The following KCNG1 variants were observed in gnomAD, a reference collection of about 807,000 sequenced individuals.
KCNG1 encodes the protein voltage-gated potassium channel regulatory subunit KCNG1.
KCNG1 carries 17 observed loss-of-function variants against 32.4 expected under a neutral mutation model. The ratio of observed to expected loss-of-function variants is 0.52; its 90% CI spans 0.36 to 0.79. The LOEUF (loss-of-function observed/expected upper bound fraction) is 0.79, where lower values mean the gene tolerates loss of function less well. Among genes scored for constraint, KCNG1 ranks in the 30% least tolerant of loss-of-function variants. The probability of loss-of-function intolerance (pLI) is 0.00; values close to 1 mark genes in which losing one functional copy is unlikely to be tolerated. For missense variants in KCNG1, 441 were observed against 735.2 expected, an observed-to-expected ratio of 0.60 and a Z score of 4.63; for synonymous variants, 358 against 339.9, an observed-to-expected ratio of 1.05 and a Z score of -0.59.
intron 1 of KCNG1, among the ~76,000 whole-genome samples, chr20:51,017,211 G>A (rs953874676): frequency 2.0e-5 from 3 of 152,166 alleles, no homozygotes; most frequent in African/African-American, 7.2e-5. Context: ...GGCAGATTAT[G>A]GAAGCCTGCA....
chr20:51,009,789 C>T lies in KCNG1; in HGVS notation c.550G>A (p.Glu184Lys), dbSNP rs1316395629. The T allele has an allele frequency of 6.2e-6, 10 of 1,612,076 alleles. No homozygotes were observed. The highest frequency in any genetic ancestry group is 1.3e-5 in the African/African-American group (1 of 74,940). ...TCGCTGTCCAGCGCGTCGTCCTCTT[C>T]CTCCCGCTCCACCATCTCCGCGAAC... ...EEFAEMVERE[E>K]EDDALDSEGR... Residue 184 changes from glutamate (E) to lysine (K), a missense_variant, in exon 2 of 3, where the codon GAA becomes AAA. By Grantham distance (56) the Glu-to-Lys change is moderately conservative. This residue lies in a region of KCNG1 where 52 missense variants were observed against 50.3 expected (regional missense o/e 1.03). Coordinates refer to ENST00000371571, the MANE Select transcript of KCNG1 (RefSeq NM_002237.4).
Position 51,005,848 on chromosome 20 carries a change from T to A in KCNG1, c.775-1042A>T, listed in dbSNP as rs533002119. 3.3e-5 allele frequency: 5 copies of A among 152,326 alleles called. No individual in the cohort carries two copies. The East Asian group carries it at 9.6e-4, about 29-fold the overall frequency. The allele number at this position is 152,326 out of a possible 1,614,324, so 9.4% of individuals were successfully genotyped here. On this transcript the variant is annotated intron_variant, in intron 2 of 2. Transcript: ENST00000371571. This position sits in a 1 kb window ranked among gnomAD's most constrained non-coding sequence, Gnocchi z 4.0. ...CTGGGGCACAGCTGAGTTCTACAAGTCCCACTTGAACAATTCTGTCTCTAG... is the reference window on the plus strand; with the variant it reads ...CTGGGGCACAGCTGAGTTCTACAAGACCCACTTGAACAATTCTGTCTCTAG...
intron 1 of KCNG1, among the ~76,000 whole-genome samples, chr20:51,021,209 T>C (rs1325884164): frequency 6.6e-6 from 1 of 152,242 alleles, no homozygotes; most frequent in Non-Finnish European, 1.5e-5. Context: ...ACAGACATCT[T>C]TCCCGTGGAA....
At chr20:51,019,072 T>G (rs1988378280) in intron 1 of KCNG1, among the ~76,000 whole-genome samples, 1 of 152,206 alleles carries the variant, frequency 6.6e-6, no homozygotes. Flanking sequence ...CCCCTAGTTT[T>G]GCCAAACTCA....
At position 51,015,610 on chromosome 20, in the gene KCNG1, C is replaced by A. The variant is rs925858040; in HGVS notation, c.-26-5246G>T. ...GGTAGCCACTGAAGCTGCATCACATCAGGCCAGAGTGGTCAGGGCAGGGCA... is the reference window on the plus strand; with the variant it reads ...GGTAGCCACTGAAGCTGCATCACATAAGGCCAGAGTGGTCAGGGCAGGGCA... On this transcript the variant is annotated intron_variant, in intron 1 of 2. Transcript: ENST00000371571. This position sits in a 1 kb window ranked among gnomAD's most constrained non-coding sequence, Gnocchi z 4.4. 2.0e-5 allele frequency among the ~76,000 whole-genome samples: 3 copies of A among 152,198 alleles called. No homozygotes were observed. Among genetic ancestry groups the A allele is most frequent in the Non-Finnish European group, 4.4e-5 (3 of 68,024 alleles).
chr20:51,012,818 G>T (rs1300094144), intron 1 of KCNG1, among the ~76,000 whole-genome samples: 2 of 152,160 alleles, frequency 1.3e-5, no homozygotes, highest in Non-Finnish European at 2.9e-5. Context: ...GGCAGCACAT[G>T]CTCCAATCCA....
Position 51,010,167 on chromosome 20 carries a change from GCTGACAGCC to G in KCNG1, c.163_171del (p.Gly55_Gln57del), listed in dbSNP as rs1988016479. On this transcript the variant is annotated inframe_deletion, in exon 2 of 3. Coordinates refer to ENST00000371571, the MANE Select transcript of KCNG1 (RefSeq NM_002237.4). ...ATGATCCGACGGCGGCGGTCCTCGG[GCTGACAGCC>G]CTGGCGGGGCTCATCCTGCGGCCGC... 6.2e-7 allele frequency: 1 copy of G among 1,608,428 alleles called. No homozygotes were observed. The highest frequency in any genetic ancestry group is 1.7e-5 in the Admixed American group (1 of 59,930).
At chr20:51,007,493 G>T (rs1052916269) in intron 2 of KCNG1, among the ~76,000 whole-genome samples, 2 of 151,672 alleles carry the variant, frequency 1.3e-5, no homozygotes, top group East Asian at 1.9e-4. Flanking sequence ...GCCTAAAATT[G>T]TTTTTTTTAA....
chr20:51,003,983 G>T lies in KCNG1; in HGVS notation c.*56C>A. 6.4e-7 allele frequency: 1 copy of T among 1,574,118 alleles called. No individual in the cohort carries two copies. On this transcript the variant is annotated 3_prime_UTR_variant, in exon 3 of 3. Coordinates refer to ENST00000371571, the MANE Select transcript of KCNG1 (RefSeq NM_002237.4). ...CTGTCCCTCTCCAGGCGTCTGCAGT[G>T]GATGGCAATGGCTTCGGGCCACAGA...
At chr20:51,021,556 C>A (rs1465678593) in intron 1 of KCNG1, among the ~76,000 whole-genome samples, 1 of 152,156 alleles carries the variant, frequency 6.6e-6, no homozygotes, top group East Asian at 1.9e-4. Flanking sequence ...TGCTCAGATT[C>A]ATAGGGCAGG....
chr20:51,012,004 G>A (rs1988112599), intron 1 of KCNG1, among the ~76,000 whole-genome samples: 1 of 152,194 alleles, frequency 6.6e-6, no homozygotes. Flanking sequence ...TGTTGGCCAG[G>A]CTGGTCTTGA....
chr20:51,016,887 G>A (rs774136761), intron 1 of KCNG1, among the ~76,000 whole-genome samples: 15 of 152,184 alleles, frequency 9.9e-5, no homozygotes, highest in Non-Finnish European at 2.1e-4. Context: ...ATTGCTAGAG[G>A]GTATGCGGGC....
chr20:51,019,814 C>G (rs1281457231), intron 1 of KCNG1, among the ~76,000 whole-genome samples: 1 of 152,128 alleles, frequency 6.6e-6, no homozygotes, highest in East Asian at 1.9e-4. Context: ...GGCTTCTGGC[C>G]GAGCCGACTC....
At chr20:51,007,493 G>GT (rs767851603) in intron 2 of KCNG1, among the ~76,000 whole-genome samples, 80 of 151,786 alleles carry the variant, frequency 5.3e-4, no homozygotes, top group Admixed American at 9.2e-4. Context: ...GCCTAAAATT[G>GT]TTTTTTTTAA....
rs779600308 is a variant in KCNG1, at chr20:51,015,319, TGGTG to T, written c.-26-4959_-26-4956del. Among the ~76,000 whole-genome samples the T allele has an allele frequency of 6.6e-6, 1 of 152,076 alleles. No individual in the cohort carries two copies. The highest frequency in any genetic ancestry group is 1.5e-5 in the Non-Finnish European group (1 of 67,996). On this transcript the variant is annotated intron_variant, in intron 1 of 2. Coordinates refer to ENST00000371571, the MANE Select transcript of KCNG1 (RefSeq NM_002237.4). The surrounding 1 kb of genome is among the most constrained non-coding windows in gnomAD (Gnocchi z 4.4). ...CCGAGGCGACGGATAGGTGGCGCTA[TGGTG>T]AGCTGAGTCAGAGGAAGCTGTTCCT...
In KCNG1 at chr20:51,004,592, G is replaced by T; in HGVS notation, c.989C>A (p.Ala330Glu). Reference protein sequence around the residue: ...GAAAGRRKPGAGNSYLDKVGL... With the variant: ...GAAAGRRKPGEGNSYLDKVGL... ...CACCTTGTCCAGGTAGCTGTTGCCCGCGCCGGGCTTGCGACGGCCTGCGGC... is the reference window on the plus strand; with the variant it reads ...CACCTTGTCCAGGTAGCTGTTGCCCTCGCCGGGCTTGCGACGGCCTGCGGC... The change falls in exon 3 of 3, where the codon GCG becomes GAG. Residue 330 changes from alanine (A) to glutamate (E), a missense_variant. This residue lies in a region of KCNG1 where 169 missense variants were observed against 297.7 expected (regional missense o/e 0.57). Coordinates refer to ENST00000371571, the MANE Select transcript of KCNG1 (RefSeq NM_002237.4). This position sits in a 1 kb window ranked among gnomAD's most constrained non-coding sequence, Gnocchi z 4.3. 6.3e-7 allele frequency: 1 copy of T among 1,578,780 alleles called. No homozygotes were observed. The highest frequency in any genetic ancestry group is 8.6e-7 in the Non-Finnish European group (1 of 1,161,844).
rs1987768529 is a variant in KCNG1 at position 51,004,897 on chromosome 20, C to G, written c.775-91G>C. 3 of 1,356,996 alleles carry G rather than the reference C, an allele frequency of 2.2e-6. No homozygotes were observed. In the East Asian group the frequency reaches 7.6e-5, roughly 35 times the overall value. 84.1% of individuals were successfully genotyped at this position (1,356,996 alleles called of 1,614,324 possible). On this transcript the variant is annotated intron_variant, in intron 2 of 2. Coordinates refer to ENST00000371571, the MANE Select transcript of KCNG1 (RefSeq NM_002237.4). The surrounding 1 kb of genome is among the most constrained non-coding windows in gnomAD (Gnocchi z 4.3). Reference sequence around the variant, plus strand: ...CTGCCCTGTGCCCTGCTGGGCTTCCCAGGCGGAAGGTGACCTCTCCAGGTT... The same window carrying G: ...CTGCCCTGTGCCCTGCTGGGCTTCCGAGGCGGAAGGTGACCTCTCCAGGTT...
At chr20:51,016,284 A>G (rs992770973) in intron 1 of KCNG1, among the ~76,000 whole-genome samples, 1 of 152,186 alleles carries the variant, frequency 6.6e-6, no homozygotes, top group East Asian at 1.9e-4. Context: ...TAAAAATACA[A>G]AATTAAGCTG....
intron 1 of KCNG1, among the ~76,000 whole-genome samples, chr20:51,012,676 T>C (rs1988136536): frequency 6.6e-6 from 1 of 152,256 alleles, no homozygotes; most frequent in Non-Finnish European, 1.5e-5. Context: ...ACAAATATTT[T>C]GCTTGGCTTG....
Sources: allele counts gnomAD v4.1 joint callset (sites outside exome capture counted in the v4.1 genomes callset), GRCh38; gene constraint gnomAD v4.1.1; regional missense constraint gnomAD v4.1.1; non-coding constraint Gnocchi (gnomAD v3.1); transcripts MANE v1.5; gene names NCBI Gene and HGNC (gene_info 2026-07-23, HGNC 2026-07-21).